ASIC5: variants seen among roughly 807,000 people sequenced by gnomAD.
The protein encoded by ASIC5 is bile acid-sensitive ion channel.
ASIC5 carries 52 observed loss-of-function variants against 51.2 expected under a neutral mutation model. The ratio of observed to expected loss-of-function variants is 1.02; its 90% CI spans 0.81 to 1.28. The LOEUF is 1.28. Among genes scored for constraint, ASIC5 ranks in the 50% most tolerant of loss-of-function variants. The probability of loss-of-function intolerance (pLI) is 0.00; values close to 1 mark genes in which losing one functional copy is unlikely to be tolerated. For missense variants in ASIC5, 635 were observed against 595.0 expected (o/e 1.07, Z -0.70); for synonymous variants, 231 against 200.7 (o/e 1.15, Z -1.28).
At chr4:155,856,039 C>G (rs1016549743) in intron 2 of ASIC5, among the ~76,000 whole-genome samples, 2 of 152,042 alleles carry the variant, frequency 1.3e-5, no homozygotes, top group African/African-American at 4.8e-5. Context: ...CTTTGCTAGT[C>G]AAGCCTCTTC....
chr4:155,833,170 A>G (rs572491792), intron 8 of ASIC5, among the ~76,000 whole-genome samples: 2 of 152,312 alleles, frequency 1.3e-5, no homozygotes, highest in South Asian at 2.1e-4. Flanking sequence ...TCCCTTAGAT[A>G]TATGTAAAAT....
intron 5 of ASIC5, among the ~76,000 whole-genome samples, chr4:155,842,927 A>G (rs1741154144): frequency 6.6e-6 from 1 of 152,148 alleles, no homozygotes; most frequent in African/African-American, 2.4e-5. Flanking sequence ...CACCTCACAG[A>G]TTGAATCTCA....
chr4:155,849,021 C>G (rs931459517), intron 4 of ASIC5, among the ~76,000 whole-genome samples: 2 of 152,018 alleles, frequency 1.3e-5, no homozygotes, highest in African/African-American at 4.8e-5. Context: ...TGTGGCAATA[C>G]AGTTATTTGC....
chr4:155,838,545 G>T (rs895739778), intron 7 of ASIC5, among the ~76,000 whole-genome samples: 1 of 151,902 alleles, frequency 6.6e-6, no homozygotes. Context: ...TGTTTTATTT[G>T]TGAAACAATA....
intron 8 of ASIC5, among the ~76,000 whole-genome samples, chr4:155,835,779 C>T (rs1033639478): frequency 2.0e-5 from 3 of 152,076 alleles, no homozygotes; most frequent in East Asian, 1.9e-4. Context: ...GATGAAAATG[C>T]TTTTTCTTTC....
At chr4:155,857,387 G>A (rs1414869187) in intron 2 of ASIC5, among the ~76,000 whole-genome samples, 1 of 151,996 alleles carries the variant, frequency 6.6e-6, no homozygotes, top group African/African-American at 2.4e-5. Context: ...GCCTCCCAAA[G>A]TGCTGGGATT....
At chr4:155,832,478 A>C (rs896569349) in intron 8 of ASIC5, among the ~76,000 whole-genome samples, 9 of 152,190 alleles carry the variant, frequency 5.9e-5, no homozygotes, top group African/African-American at 2.2e-4. Flanking sequence ...GTCTGTTTGA[A>C]ATCTTTATAC....
At chr4:155,836,162 G>T (rs759538184) in intron 8 of ASIC5, among the ~76,000 whole-genome samples, 2 of 152,160 alleles carry the variant, frequency 1.3e-5, no homozygotes, top group African/African-American at 2.4e-5. Flanking sequence ...ATCAGGGGAC[G>T]TGGAATCATG....
At chr4:155,855,314 A>T (rs1470483912) in intron 2 of ASIC5, 3 of 152,008 alleles carry the variant, frequency 2.0e-5, no homozygotes, top group African/African-American at 4.8e-5. Flanking sequence ...ACCTGCCTGG[A>T]ATATAGTGAG....
At chr4:155,860,254 TA>T (rs1353869081) in intron 2 of ASIC5, among the ~76,000 whole-genome samples, 2 of 151,826 alleles carry the variant, frequency 1.3e-5, no homozygotes, top group African/African-American at 4.8e-5. Context: ...TAATGATATA[TA>T]ATACTTATGT....
At chr4:155,843,385 G>A (rs1741164341) in intron 5 of ASIC5, among the ~76,000 whole-genome samples, 2 of 152,040 alleles carry the variant, frequency 1.3e-5, no homozygotes, top group South Asian at 4.1e-4. Context: ...TTCCCAGATA[G>A]TCTCATTGAA....
intron 8 of ASIC5, among the ~76,000 whole-genome samples, chr4:155,832,613 C>A (rs1479390344): frequency 6.6e-6 from 1 of 152,146 alleles, no homozygotes; most frequent in Admixed American, 6.6e-5. Flanking sequence ...ATATTCAGTT[C>A]ATTCTTATAT....
At chr4:155,858,885 C>T (rs1438288149) in intron 2 of ASIC5, 5 of 152,006 alleles carry the variant, frequency 3.3e-5, no homozygotes, top group African/African-American at 4.8e-5. Context: ...AAGTCAAATA[C>T]GCATTTGCCT....
chr4:155,848,590 C>T (rs1741309392), intron 4 of ASIC5, among the ~76,000 whole-genome samples: 1 of 151,962 alleles, frequency 6.6e-6, no homozygotes. Context: ...TCAATTGTGT[C>T]TTTGACTATG....
intron 8 of ASIC5, among the ~76,000 whole-genome samples, chr4:155,834,651 C>T (rs555684677): frequency 6.6e-5 from 10 of 152,202 alleles, no homozygotes; most frequent in South Asian, 2.1e-4. Context: ...TAGAAGAGGG[C>T]GGTTCCCTGG....
intron 4 of ASIC5, among the ~76,000 whole-genome samples, chr4:155,847,317 C>T (rs1016798550): frequency 6.6e-6 from 1 of 152,076 alleles, no homozygotes; most frequent in Non-Finnish European, 1.5e-5. Context: ...CATTAAGTTA[C>T]AGGGCTTTGA....
Position 155,863,465 on chromosome 4 carries a change from T to C in ASIC5, c.330A>G (p.Thr110=), listed in dbSNP as rs769480049. Residue 110 remains threonine (T), a synonymous_variant, in exon 2 of 10, where the codon ACA becomes ACG. Coordinates refer to ENST00000537611, the MANE Select transcript of ASIC5 (RefSeq NM_017419.3). Reference sequence around the variant, plus strand: ...ATTTTTACCTGTTCAAATTACAAAATGTCACAGCTGGGAACTCCATCTTTT... The same window carrying C: ...ATTTTTACCTGTTCAAATTACAAAACGTCACAGCTGGGAACTCCATCTTTT... ...YVEKMEFPAV[T]FCNLNRFQTD... The C allele has an allele frequency of 6.2e-7, 1 of 1,611,370 alleles. No homozygotes were observed. The highest frequency in any genetic ancestry group is 1.1e-5 in the South Asian group (1 of 90,908).
chr4:155,862,281 A>G (rs1005732283), intron 2 of ASIC5, among the ~76,000 whole-genome samples: 6 of 152,056 alleles, frequency 3.9e-5, no homozygotes, highest in Non-Finnish European at 4.4e-5. Flanking sequence ...AATATTGACA[A>G]TCATACAAAC....
chr4:155,861,815 ATCTCTGTGTGTTC>A lies in ASIC5; in HGVS notation c.347+1620_347+1632del, dbSNP rs1359381514. Among the ~76,000 whole-genome samples, 3 of 151,908 alleles carry A rather than the reference ATCTCTGTGTGTTC, an allele frequency of 2.0e-5. No individual in the cohort carries two copies. In the South Asian group the frequency reaches 6.2e-4, roughly 31 times the overall value. On this transcript the variant is annotated intron_variant, in intron 2 of 9. Transcript: ENST00000537611. ...ATTTCACATGAATTTTCCCTGCTGT[ATCTCTGTGTGTTC>A]TCTCTTCTCCTTATAAGAACTTCAG...
Sources: allele counts gnomAD v4.1 joint callset (sites outside exome capture counted in the v4.1 genomes callset), GRCh38; gene constraint gnomAD v4.1.1; transcripts MANE v1.5; gene names NCBI Gene and HGNC (gene_info 2026-07-23, HGNC 2026-07-21).